Variants in CFAP20DC observed in about 807,000 individuals in gnomAD.
CFAP20DC encodes the protein CFAP20 domain containing.
A neutral mutation model predicts 101.7 loss-of-function variants in CFAP20DC; 84 were observed. The ratio of observed to expected loss-of-function variants is 0.83; its 90% confidence interval spans 0.69 to 0.99. The LOEUF (loss-of-function observed/expected upper bound fraction) is 0.99. CFAP20DC is among the 50% of genes least tolerant of loss of function. CFAP20DC has a pLI of 0.00. For missense variants in CFAP20DC, 1,007 were observed against 970.3 expected (o/e 1.04, Z -0.50); for synonymous variants, 359 against 351.2 (o/e 1.02, Z -0.25).
rs946094490 is a variant in CFAP20DC, at chr3:58,788,773, T to G, written c.2237+17622A>C. On this transcript the variant is annotated intron_variant, in intron 15 of 16. Transcript: ENST00000482387. The surrounding 1 kb of genome is among the most constrained non-coding windows in gnomAD (Gnocchi z 4.2). ...TGAGCCAAACTCTGTGTCTCTTGTTTCCACATCTGGAATATGGGAATAAGA... is the reference window on the plus strand; with the variant it reads ...TGAGCCAAACTCTGTGTCTCTTGTTGCCACATCTGGAATATGGGAATAAGA... Among the ~76,000 whole-genome samples, 5 of 152,134 alleles carry G rather than the reference T, an allele frequency of 3.3e-5. No homozygotes were observed. The highest frequency in any genetic ancestry group is 1.2e-4 in the African/African-American group (5 of 41,440).
At chr3:58,937,319 C>T (rs1438524886) in intron 5 of CFAP20DC, among the ~76,000 whole-genome samples, 3 of 152,138 alleles carry the variant, frequency 2.0e-5, no homozygotes, top group Non-Finnish European at 2.9e-5. Flanking sequence ...TAGAGTTCTC[C>T]CAAGTCCACT....
At position 58,883,020 on chromosome 3, in the gene CFAP20DC, T is replaced by C. The variant is rs555395616; in HGVS notation, c.715+1525A>G. 2.8e-4 allele frequency among the ~76,000 whole-genome samples: 42 copies of C among 152,342 alleles called. No homozygotes were observed. The East Asian group carries it at 3.3e-3, about 12-fold the overall frequency. On this transcript the variant is annotated intron_variant, in intron 7 of 16. Coordinates refer to ENST00000482387, the MANE Select transcript of CFAP20DC (RefSeq NM_001394063.1). ...TTTAGGACATGCAATATGATGAAGA[T>C]TGACATATAGAAAATATCCCAAGAA...
chr3:58,820,324 A>G (rs1396975818), intron 14 of CFAP20DC, among the ~76,000 whole-genome samples: 154 of 150,324 alleles, frequency 1.0e-3, no homozygotes, highest in African/African-American at 3.2e-3. Context: ...AATAAAGGGT[A>G]TTCAATTAGG....
chr3:58,796,717 A>G (rs996599017), intron 15 of CFAP20DC, among the ~76,000 whole-genome samples: 28 of 152,186 alleles, frequency 1.8e-4, no homozygotes, highest in African/African-American at 6.3e-4. Context: ...TGTTCTTCAC[A>G]GATGCTGAAT....
At chr3:59,043,270 A>T (rs1424284060) in intron 3 of CFAP20DC, among the ~76,000 whole-genome samples, 1 of 152,138 alleles carries the variant, frequency 6.6e-6, no homozygotes, top group Non-Finnish European at 1.5e-5. Flanking sequence ...AAGAGGAAGA[A>T]CCACAAAAGG....
At chr3:58,759,077 G>A (rs1251223201) in intron 15 of CFAP20DC, among the ~76,000 whole-genome samples, 1 of 152,144 alleles carries the variant, frequency 6.6e-6, no homozygotes, top group African/African-American at 2.4e-5. Context: ...TGGGTCAAAT[G>A]GTATTTCTAG....
chr3:58,951,547 C>T (rs954936611), intron 4 of CFAP20DC, among the ~76,000 whole-genome samples: 2 of 152,056 alleles, frequency 1.3e-5, no homozygotes, highest in Admixed American at 6.6e-5. Context: ...GAAAATGTGG[C>T]ACATATACAC....
chr3:58,956,937 C>T (rs2090686516), intron 4 of CFAP20DC, among the ~76,000 whole-genome samples: 1 of 152,156 alleles, frequency 6.6e-6, no homozygotes, highest in African/African-American at 2.4e-5. Context: ...AAACCACACC[C>T]ATGATCCAAC....
At chr3:59,037,612 A>G (rs1473315610) in intron 4 of CFAP20DC, among the ~76,000 whole-genome samples, 2 of 152,218 alleles carry the variant, frequency 1.3e-5, no homozygotes, top group Admixed American at 6.5e-5. Context: ...AATGGCGATC[A>G]TTAAAACGTC....
chr3:58,862,456 G>C (rs1312707201), intron 12 of CFAP20DC: 1 of 985,246 alleles, frequency 1.0e-6, no homozygotes, highest in African/African-American at 1.7e-5. Context: ...TTTGCAGTAG[G>C]TTATGTTTGG....
At chr3:58,883,317 C>A (rs1311464819) in intron 7 of CFAP20DC, among the ~76,000 whole-genome samples, 1 of 152,194 alleles carries the variant, frequency 6.6e-6, no homozygotes, top group Non-Finnish European at 1.5e-5. Context: ...TCCTTAATCT[C>A]TGCTATCACT....
At position 58,872,398 on chromosome 3, in the gene CFAP20DC, T is replaced by C. The variant is rs552168244; in HGVS notation, c.716-2089A>G. ...TCAGTCTTAAAAAAAAAAAGACACA[T>C]GGGTTTGTGAAAATATACCATACTC... On this transcript the variant is annotated intron_variant, in intron 7 of 16. Transcript: ENST00000482387. Among the ~76,000 whole-genome samples the C allele has an allele frequency of 2.6e-5, 4 of 151,716 alleles. No homozygotes were observed. The East Asian group carries it at 5.8e-4, about 22-fold the overall frequency.
intron 15 of CFAP20DC, among the ~76,000 whole-genome samples, chr3:58,775,009 A>C (rs1282847420): frequency 6.6e-6 from 1 of 152,232 alleles, no homozygotes; most frequent in East Asian, 1.9e-4. Context: ...AATCTGAGAC[A>C]GGTCTCAGTT....
intron 4 of CFAP20DC, among the ~76,000 whole-genome samples, chr3:58,976,092 G>A (rs758676409): frequency 6.6e-6 from 1 of 152,172 alleles, no homozygotes; most frequent in Non-Finnish European, 1.5e-5. Context: ...AGCAACCTTT[G>A]ACTTCACTTA....
intron 14 of CFAP20DC, among the ~76,000 whole-genome samples, chr3:58,816,288 C>A (rs373634311): frequency 1.1e-4 from 17 of 152,230 alleles, no homozygotes; most frequent in African/African-American, 2.9e-4. Flanking sequence ...CGGGGAGGAG[C>A]CAAGATGGCC....
chr3:58,759,552 G>A (rs911189642), intron 15 of CFAP20DC, among the ~76,000 whole-genome samples: 10 of 152,166 alleles, frequency 6.6e-5, no homozygotes, highest in African/African-American at 2.4e-4. Context: ...GATCCCATTT[G>A]TCAATTTTGG....
At chr3:58,993,802 T>C (rs888919581) in intron 4 of CFAP20DC, among the ~76,000 whole-genome samples, 15 of 152,236 alleles carry the variant, frequency 9.9e-5, no homozygotes, top group Non-Finnish European at 4.4e-5. Flanking sequence ...ATGGTGTATA[T>C]GTACCATTCT....
intron 4 of CFAP20DC, among the ~76,000 whole-genome samples, chr3:58,951,224 T>C (rs1195868697): frequency 6.6e-6 from 1 of 152,194 alleles, no homozygotes; most frequent in East Asian, 1.9e-4. Context: ...CTCACACCAG[T>C]TAGAATGGTG....
chr3:58,955,704 G>C (rs975902065), intron 4 of CFAP20DC, among the ~76,000 whole-genome samples: 2 of 151,844 alleles, frequency 1.3e-5, no homozygotes, highest in Non-Finnish European at 2.9e-5. Context: ...GAACTGGGGG[G>C]GCATGTGACC....
Sources: allele counts gnomAD v4.1 joint callset (sites outside exome capture counted in the v4.1 genomes callset), GRCh38; gene constraint gnomAD v4.1.1; non-coding constraint Gnocchi (gnomAD v3.1); transcripts MANE v1.5; gene names NCBI Gene and HGNC (gene_info 2026-07-23, HGNC 2026-07-21).